The following HSD17B2 variants were observed in gnomAD, a reference collection of about 807,000 sequenced individuals.
The protein encoded by HSD17B2 is 17-beta-hydroxysteroid dehydrogenase type 2.
A neutral mutation model predicts 26.9 loss-of-function variants in HSD17B2; 32 were observed. That is an observed-to-expected ratio of 1.19 (90% CI 0.90 to 1.60). The LOEUF (loss-of-function observed/expected upper bound fraction) is 1.60. Ranked by LOEUF, HSD17B2 falls within the 40% of genes most tolerant of loss-of-function variation. HSD17B2 has a pLI of 0.00. For synonymous variants in HSD17B2, 246 were observed against 186.7 expected, an observed-to-expected ratio of 1.32 and a Z score of -2.59; for missense variants, 613 against 468.6, an observed-to-expected ratio of 1.31 and a Z score of -2.85.
intron 3 of HSD17B2, among the ~76,000 whole-genome samples, chr16:82,076,063 G>T (rs1424731838): frequency 6.6e-6 from 1 of 152,094 alleles, no homozygotes; most frequent in Admixed American, 6.5e-5. Flanking sequence ...TGGATGCAGG[G>T]ATTGTTCAAC....
At chr16:82,071,229 G>C in intron 3 of HSD17B2, 102 bp downstream of exon 3, 1 of 1,121,976 alleles carries the variant, frequency 8.9e-7, no homozygotes, top group Non-Finnish European at 1.4e-6. Context: ...GCAAAGGCAG[G>C]GTTGGGTCAG....
chr16:82,064,279 C>T (rs937135617), intron 1 of HSD17B2, among the ~76,000 whole-genome samples: 4 of 152,182 alleles, frequency 2.6e-5, no homozygotes, highest in East Asian at 1.9e-4. Context: ...TTACCTGCCA[C>T]GCTGGCTTCT....
rs117911753 is a variant in HSD17B2 at position 82,043,171 on chromosome 16, G to A, written c.265+7482G>A. On this transcript the variant is annotated intron_variant, in intron 1 of 4. Transcript: ENST00000199936. Reference sequence around the variant, plus strand: ...TGAGGGGAGAAAGAAGCTCGTCTTGGGCCAAGCTTTTCCCTAGTGGAGCAC... The same window carrying A: ...TGAGGGGAGAAAGAAGCTCGTCTTGAGCCAAGCTTTTCCCTAGTGGAGCAC... Among the ~76,000 whole-genome samples the A allele has an allele frequency of 4.4e-4, 67 of 152,264 alleles. No homozygotes were observed. The East Asian group carries it at 0.011, about 25-fold the overall frequency.
chr16:82,093,704 A>T (rs569373575), intron 4 of HSD17B2: 1 of 152,140 alleles, frequency 6.6e-6, no homozygotes, highest in African/African-American at 2.4e-5. Context: ...GTGAATCTGT[A>T]GAGTAAAGTG....
chr16:82,036,589 T>G (rs1238704585), intron 1 of HSD17B2, among the ~76,000 whole-genome samples: 1 of 151,922 alleles, frequency 6.6e-6, no homozygotes, highest in African/African-American at 2.4e-5. Context: ...GGCATGGGGA[T>G]GTGGTTGGGA....
At chr16:82,086,730 C>T (rs896145924) in intron 3 of HSD17B2, among the ~76,000 whole-genome samples, 6 of 152,174 alleles carry the variant, frequency 3.9e-5, no homozygotes, top group East Asian at 1.9e-4. Context: ...TTGTTGACTA[C>T]GTATGTCAGT....
intron 1 of HSD17B2, among the ~76,000 whole-genome samples, chr16:82,064,107 C>T (rs918757569): frequency 6.6e-6 from 1 of 152,206 alleles, no homozygotes; most frequent in Non-Finnish European, 1.5e-5. Context: ...AAGTTCAACA[C>T]TGTTGTCACC....
chr16:82,089,491 A>G (rs982399710), intron 3 of HSD17B2, among the ~76,000 whole-genome samples: 1 of 152,120 alleles, frequency 6.6e-6, no homozygotes, highest in Non-Finnish European at 1.5e-5. Context: ...CCTTCATAAC[A>G]TCAGTGTCTT....
At chr16:82,080,271 T>G (rs1427235905) in intron 3 of HSD17B2, among the ~76,000 whole-genome samples, 3 of 152,160 alleles carry the variant, frequency 2.0e-5, no homozygotes, top group Non-Finnish European at 2.9e-5. Flanking sequence ...GCCTGTTACC[T>G]CACGTGGCAA....
At chr16:82,054,255 A>G (rs1223545428) in intron 1 of HSD17B2, among the ~76,000 whole-genome samples, 2 of 152,122 alleles carry the variant, frequency 1.3e-5, no homozygotes, top group Non-Finnish European at 2.9e-5. Context: ...ATGCACATAG[A>G]TCAGATGAAA....
At chr16:82,037,414 C>G (rs539970420) in intron 1 of HSD17B2, among the ~76,000 whole-genome samples, 1 of 152,198 alleles carries the variant, frequency 6.6e-6, no homozygotes, top group African/African-American at 2.4e-5. Context: ...AGAAGCCACG[C>G]TGAGTTTGGA....
chr16:82,065,541 C>T (rs1399962924), intron 1 of HSD17B2, among the ~76,000 whole-genome samples: 1 of 152,156 alleles, frequency 6.6e-6, no homozygotes, highest in Non-Finnish European at 1.5e-5. Context: ...TATGGTACCT[C>T]ACAAAATGGG....
At chr16:82,055,143 A>G (rs1470647615) in intron 1 of HSD17B2, among the ~76,000 whole-genome samples, 1 of 152,248 alleles carries the variant, frequency 6.6e-6, no homozygotes, top group Non-Finnish European at 1.5e-5. Context: ...GGCCACATGG[A>G]CTGGCCTTGA....
intron 3 of HSD17B2, among the ~76,000 whole-genome samples, chr16:82,073,944 T>G (rs1408570072): frequency 6.6e-6 from 1 of 152,148 alleles, no homozygotes; most frequent in Non-Finnish European, 1.5e-5. Flanking sequence ...CTACCTGAAT[T>G]CAAACTATAC....
chr16:82,074,311 A>G (rs1914764356), intron 3 of HSD17B2, among the ~76,000 whole-genome samples: 1 of 152,198 alleles, frequency 6.6e-6, no homozygotes, highest in Non-Finnish European at 1.5e-5. Flanking sequence ...CCAGTTTTGA[A>G]TCTTCATGTC....
At chr16:82,045,600 C>T (rs1048513163) in intron 1 of HSD17B2, among the ~76,000 whole-genome samples, 8 of 152,246 alleles carry the variant, frequency 5.3e-5, no homozygotes, top group Non-Finnish European at 1.2e-4. Context: ...GTTCTGCCTT[C>T]TGGGCCATTC....
intron 1 of HSD17B2, among the ~76,000 whole-genome samples, chr16:82,057,114 T>G (rs1037728926): frequency 6.6e-6 from 1 of 152,072 alleles, no homozygotes; most frequent in South Asian, 2.1e-4. Flanking sequence ...GGAGAAGAGA[T>G]AAATCTCCTG....
chr16:82,093,329 T>C (rs1469773087), intron 4 of HSD17B2: 1 of 152,242 alleles, frequency 6.6e-6, no homozygotes, highest in Non-Finnish European at 1.5e-5. Context: ...CATTTGACTT[T>C]AACTGCTTTT....
intron 3 of HSD17B2, among the ~76,000 whole-genome samples, chr16:82,082,716 T>C (rs1415143306): frequency 6.6e-6 from 1 of 152,186 alleles, no homozygotes; most frequent in African/African-American, 2.4e-5. Context: ...GAGCTGATGT[T>C]AAAACGCTCA....
Sources: allele counts gnomAD v4.1 joint callset (sites outside exome capture counted in the v4.1 genomes callset), GRCh38; gene constraint gnomAD v4.1.1; transcripts MANE v1.5; gene names NCBI Gene and HGNC (gene_info 2026-07-23, HGNC 2026-07-21).